The following DCAF13 variants were observed in gnomAD, a reference collection of about 807,000 sequenced individuals.
DCAF13 encodes the protein DDB1 and CUL4 associated factor 13.
Under a neutral mutation model 59.0 loss-of-function variants are expected in DCAF13, and 38 were observed. The ratio of observed to expected loss-of-function variants is 0.64; its 90% CI spans 0.50 to 0.84. The LOEUF (loss-of-function observed/expected upper bound fraction) is 0.84. DCAF13 is among the 40% of genes least tolerant of loss of function. The pLI is 0.00. For synonymous variants in DCAF13, 173 were observed against 175.0 expected (o/e 0.99, Z 0.09); for missense variants, 469 against 558.4 (o/e 0.84, Z 1.61).
At position 103,423,271 on chromosome 8, in the gene DCAF13, A is replaced by G. The variant is rs371829345; in HGVS notation, c.378+2189A>G. Reference sequence around the variant, plus strand: ...TAAAGGCTCATTTGCAGCATTATTCACAATACCCAGGATATGGAATCAACC... The same window carrying G: ...TAAAGGCTCATTTGCAGCATTATTCGCAATACCCAGGATATGGAATCAACC... On this transcript the variant is annotated intron_variant, in intron 3 of 10. Transcript: ENST00000612750. 3.2e-4 allele frequency among the ~76,000 whole-genome samples: 49 copies of G among 152,224 alleles called. No homozygotes were observed. The East Asian group carries it at 4.6e-3, about 14-fold the overall frequency.
intron 10 of DCAF13, 163 bp downstream of exon 10, chr8:103,441,781 CTTTTTTTTT>C: frequency 3.9e-6 from 2 of 511,092 alleles, no homozygotes; most frequent in African/African-American, 2.1e-5. Context: ...TTTCTTTTTT[CTTTTTTTTT>C]TTTTTGAGAC....
intron 3 of DCAF13, among the ~76,000 whole-genome samples, chr8:103,424,501 C>T (rs910801032): frequency 6.6e-6 from 1 of 152,236 alleles, no homozygotes; most frequent in African/African-American, 2.4e-5. Flanking sequence ...ACCAACAATT[C>T]CTTCTTCAGC....
At chr8:103,418,478 G>T (rs1816659193) in intron 1 of DCAF13, among the ~76,000 whole-genome samples, 2 of 151,994 alleles carry the variant, frequency 1.3e-5, no homozygotes, top group African/African-American at 2.4e-5. Flanking sequence ...GGCTGCAGTA[G>T]GCTATAGTCA....
At chr8:103,418,727 A>T (rs1563723950) in intron 1 of DCAF13, among the ~76,000 whole-genome samples, 2 of 149,426 alleles carry the variant, frequency 1.3e-5, no homozygotes, top group South Asian at 2.1e-4. Context: ...GTCAGAAAGA[A>T]ACAGCAGGAT....
intron 10 of DCAF13, 46 bp downstream of exon 10, chr8:103,441,664 C>T (rs146039219): frequency 1.4e-5 from 22 of 1,569,402 alleles, no homozygotes; most frequent in Non-Finnish European, 1.7e-5. Flanking sequence ...CTGACTTCTG[C>T]TCTCATCTCA....
Position 103,442,970 on chromosome 8 carries a change from T to C in DCAF13, c.*88T>C. 1 of 898,914 alleles carries C rather than the reference T, an allele frequency of 1.1e-6. No individual in the cohort carries two copies. The highest frequency in any genetic ancestry group is 2.8e-5 in the East Asian group (1 of 36,336). 55.7% of individuals were successfully genotyped at this position (898,914 alleles called of 1,614,324 possible). On this transcript the variant is annotated 3_prime_UTR_variant, in exon 11 of 11. Transcript: ENST00000612750. ...ATAAAAGTGCTGGGACTAGATTAATTGCAAACATTTTAGTTATATGTGTAG... is the reference window on the plus strand; with the variant it reads ...ATAAAAGTGCTGGGACTAGATTAATCGCAAACATTTTAGTTATATGTGTAG...
At chr8:103,441,788 T>C (rs1374173687) in intron 10 of DCAF13, 170 bp downstream of exon 10, 5 of 639,366 alleles carry the variant, frequency 7.8e-6, no homozygotes, top group African/African-American at 7.8e-5. Context: ...TTTCTTTTTT[T>C]TTTTTTTGAG....
rs1346558796 is a variant in DCAF13, at chr8:103,430,655, T to G, written c.668T>G (p.Leu223Arg). The G allele has an allele frequency of 1.9e-6, 3 of 1,611,122 alleles. No individual in the cohort carries two copies. The highest frequency in any genetic ancestry group is 1.7e-6 in the Non-Finnish European group (2 of 1,178,568). ...GSCASDRNIVLYDMRQATPLK... is the reference protein window; with the variant it reads ...GSCASDRNIVRYDMRQATPLK... ...TGTGCATCTGACAGGAATATAGTAC[T>G]GTACGATATGAGGCAAGCTACTCCT... The change falls in exon 6 of 11, where the codon CTG (leucine) becomes CGG (arginine). Residue 223 changes from leucine (L) to arginine (R), a missense_variant. By Grantham distance (102) the Leu-to-Arg change is moderately radical. This residue lies in a region of DCAF13 where 355 missense variants were observed against 399.1 expected (regional missense o/e 0.89). Coordinates refer to ENST00000612750, the MANE Select transcript of DCAF13 (RefSeq NM_015420.7).
intron 7 of DCAF13, among the ~76,000 whole-genome samples, chr8:103,434,925 T>G (rs1162266469): frequency 6.6e-6 from 1 of 152,102 alleles, no homozygotes; most frequent in African/African-American, 2.4e-5. Flanking sequence ...AGTGCAACTT[T>G]GTTGGCAGTG....
intron 8 of DCAF13, among the ~76,000 whole-genome samples, 172 bp downstream of exon 8, chr8:103,435,962 T>TA (rs1816926626): frequency 1.3e-5 from 2 of 152,180 alleles, no homozygotes; most frequent in Admixed American, 1.3e-4. Context: ...GGTCATATGA[T>TA]ATGGCCTGTT....
chr8:103,439,383 C>CTTTTTTTTTTTTT (rs34676422), intron 8 of DCAF13: 2 of 85,790 alleles, frequency 2.3e-5, no homozygotes, highest in Non-Finnish European at 4.3e-5. Context: ...TTTAATTAAG[C>CTTTTTTTTTTTTT]TTTTTTTTTT....
intron 8 of DCAF13, 92 bp from the exon 9 acceptor site, chr8:103,440,044 C>T: frequency 9.5e-7 from 1 of 1,057,686 alleles, no homozygotes; most frequent in Non-Finnish European, 1.3e-6. Flanking sequence ...TCCTATAGGA[C>T]TCAGAAATAG....
chr8:103,440,263 T>A lies in DCAF13; in HGVS notation c.1078T>A (p.Leu360Met). 1.3e-6 allele frequency: 2 copies of A among 1,584,450 alleles called. No homozygotes were observed. The highest frequency in any genetic ancestry group is 1.7e-6 in the Non-Finnish European group (2 of 1,168,170). Residue 360 changes from leucine to methionine, a missense_variant, in exon 9 of 11, where the codon TTG (leucine) becomes ATG (methionine). Leu to Met is a conservative substitution (Grantham distance 15). Around this residue, in one of 3 missense-constraint regions of DCAF13, gnomAD observed 30 missense variants for 67.1 expected, o/e 0.45. Transcript: ENST00000612750. Reference protein sequence around the residue: ...RLWKANASEKLGVLTSREKAA... With the variant: ...RLWKANASEKMGVLTSREKAA... ...GTGGAAAGCTAATGCTTCTGAAAAATTGGGTGTGGTAAGAGAATTCATTTT... is the reference window on the plus strand; with the variant it reads ...GTGGAAAGCTAATGCTTCTGAAAAAATGGGTGTGGTAAGAGAATTCATTTT...
At chr8:103,416,637 T>C (rs1163060207) in intron 1 of DCAF13, among the ~76,000 whole-genome samples, 3 of 152,222 alleles carry the variant, frequency 2.0e-5, no homozygotes, top group Non-Finnish European at 4.4e-5. Context: ...CCGTCTTCTG[T>C]GATTCTATCA....
intron 1 of DCAF13, among the ~76,000 whole-genome samples, chr8:103,418,332 A>C (rs1001864395): frequency 1.3e-5 from 2 of 151,740 alleles, no homozygotes; most frequent in Non-Finnish European, 2.9e-5. Flanking sequence ...TAGCCTGGGC[A>C]TCATAAGGAG....
In DCAF13 at chr8:103,427,145, A is replaced by G; in HGVS notation, c.517A>G (p.Thr173Ala). The G allele has an allele frequency of 6.2e-7, 1 of 1,613,350 alleles. No individual in the cohort carries two copies. The highest frequency in any genetic ancestry group is 8.5e-7 in the Non-Finnish European group (1 of 1,179,608). The change falls in exon 5 of 11, where the codon ACA becomes GCA. Residue 173 changes from threonine (T) to alanine (A), a missense_variant. Physicochemically the swap from Thr to Ala is moderately conservative, Grantham distance 58. Coordinates refer to ENST00000612750, the MANE Select transcript of DCAF13 (RefSeq NM_015420.7). ...TCACTGGAAAGAAGCTGTTTTTGCC[A>G]CATGTGGACAGCAAGTAGACATTTG... ...DHHWKEAVFA[T>A]CGQQVDIWDE...
Position 103,441,659 on chromosome 8 carries a change from T to C in DCAF13, c.1250+41T>C, listed in dbSNP as rs770081762. 8 of 1,585,526 alleles carry C rather than the reference T, an allele frequency of 5.0e-6. No individual in the cohort carries two copies. In the Admixed American group the frequency reaches 1.1e-4, roughly 22 times the overall value. Reference sequence around the variant, plus strand: ...TTTGACTCTATTACCCTTTTCTGACTTCTGCTCTCATCTCACCAAAAACAA... The same window carrying C: ...TTTGACTCTATTACCCTTTTCTGACCTCTGCTCTCATCTCACCAAAAACAA... On this transcript the variant is annotated intron_variant, in intron 10 of 10. Transcript: ENST00000612750.
Position 103,416,809 on chromosome 8 carries a change from C to T in DCAF13, c.70+1293C>T, listed in dbSNP as rs1266538543. Among the ~76,000 whole-genome samples, 4 of 152,202 alleles carry T rather than the reference C, an allele frequency of 2.6e-5. No homozygotes were observed. In the East Asian group the frequency reaches 5.8e-4, roughly 22 times the overall value. ...CTTTAATAAATGTCAGTTTCTCCAT[C>T]TATAAAGATTCATTTTTGCCTACAT... On this transcript the variant is annotated intron_variant, in intron 1 of 10. Transcript: ENST00000612750.
chr8:103,431,610 T>G (rs1232161109), intron 6 of DCAF13, among the ~76,000 whole-genome samples: 1 of 152,214 alleles, frequency 6.6e-6, no homozygotes, highest in Non-Finnish European at 1.5e-5. Flanking sequence ...CTTAGACTTT[T>G]AAGCACGTTA....
Sources: allele counts gnomAD v4.1 joint callset (sites outside exome capture counted in the v4.1 genomes callset), GRCh38; gene constraint gnomAD v4.1.1; regional missense constraint gnomAD v4.1.1; transcripts MANE v1.5; gene names NCBI Gene and HGNC (gene_info 2026-07-23, HGNC 2026-07-21).